Variants in CACNA1C observed in about 807,000 individuals in gnomAD.
CACNA1C encodes the protein voltage-dependent L-type calcium channel subunit alpha-1C.
In CACNA1C, 30 loss-of-function variants were observed where a neutral mutation model predicts 229.0. That is an observed-to-expected ratio of 0.13 (90% confidence interval 0.10 to 0.18). The LOEUF (loss-of-function observed/expected upper bound fraction) is 0.18. Ranked by LOEUF, CACNA1C falls within the 10% of genes least tolerant of loss-of-function variation. The pLI, the probability that CACNA1C is intolerant of heterozygous loss-of-function variation, is 1.00. For missense variants in CACNA1C, 1,658 were observed against 2,845.0 expected (o/e 0.58, Z 9.49); for synonymous variants, 1,114 against 1,132.5 (o/e 0.98, Z 0.33).
chr12:2,178,155 T>A (rs1287301579), intron 3 of CACNA1C, among the ~76,000 whole-genome samples: 1 of 152,246 alleles, frequency 6.6e-6, no homozygotes, highest in Non-Finnish European at 1.5e-5. Flanking sequence ...TCTTTGCCTC[T>A]TATTAAAAGG....
chr12:2,589,613 T>C (rs545401152), intron 18 of CACNA1C, among the ~76,000 whole-genome samples: 1 of 145,288 alleles, frequency 6.9e-6, no homozygotes, highest in Non-Finnish European at 1.6e-5. Flanking sequence ...AGGCTGGGTC[T>C]GATCCAGTGC....
chr12:2,256,730 G>A (rs2078035852), intron 3 of CACNA1C, among the ~76,000 whole-genome samples: 2 of 152,034 alleles, frequency 1.3e-5, no homozygotes, highest in Admixed American at 6.5e-5. Context: ...CCAGCCTAAT[G>A]ATCAGTTGTA....
chr12:2,335,355 G>C (rs376725029), intron 3 of CACNA1C, among the ~76,000 whole-genome samples: 1 of 152,076 alleles, frequency 6.6e-6, no homozygotes, highest in Non-Finnish European at 1.5e-5. Flanking sequence ...TGTGATTTAC[G>C]ATGTCAAGAG....
At chr12:2,686,394 C>G in intron 45 of CACNA1C, 125 bp downstream of exon 45, 1 of 817,562 alleles carries the variant, frequency 1.2e-6, no homozygotes, top group Non-Finnish European at 2.2e-6. Context: ...ACGTCCTGCC[C>G]CTGCCCTAAG....
chr12:1,975,344 G>A (rs2033993258), intron 1 of CACNA1C, among the ~76,000 whole-genome samples: 2 of 146,028 alleles, frequency 1.4e-5, no homozygotes, highest in South Asian at 2.1e-4. Context: ...TTTTCCTTCT[G>A]TGGGTTAAGC....
At chr12:2,228,557 A>G (rs1293623939) in intron 3 of CACNA1C, among the ~76,000 whole-genome samples, 1 of 152,212 alleles carries the variant, frequency 6.6e-6, no homozygotes, top group Admixed American at 6.5e-5. Flanking sequence ...TTGACAAGGT[A>G]TGTGCTAAAG....
At chr12:2,441,559 G>A (rs1358366807) in intron 3 of CACNA1C, among the ~76,000 whole-genome samples, 11 of 152,170 alleles carry the variant, frequency 7.2e-5, no homozygotes, top group Admixed American at 7.2e-4. Context: ...ATCTCACTGT[G>A]CCTTTGGCAG....
Position 2,493,732 on chromosome 12 carries a change from C to T in CACNA1C, c.1113+346C>T, listed in dbSNP as rs1366368112. Among the ~76,000 whole-genome samples, 1 of 152,194 alleles carries T rather than the reference C, an allele frequency of 6.6e-6. No homozygotes were observed. Among genetic ancestry groups the T allele is most frequent in the African/African-American group, 2.4e-5 (1 of 41,452 alleles). ...TCCCATGCAGAGTTCCTTCTGCCCT[C>T]ATCCTTTTCTTGCCTCTTTCCTCAA... On this transcript the variant is annotated intron_variant, in intron 7 of 46. Coordinates refer to ENST00000399655, the MANE Select transcript of CACNA1C (RefSeq NM_000719.7). This position sits in a 1 kb window ranked among gnomAD's most constrained non-coding sequence, Gnocchi z 4.6.
At chr12:2,197,081 G>A (rs1355705028) in intron 3 of CACNA1C, among the ~76,000 whole-genome samples, 4 of 152,196 alleles carry the variant, frequency 2.6e-5, no homozygotes, top group Non-Finnish European at 4.4e-5. Context: ...ACGAGGTACA[G>A]GCTGGCCCTG....
At chr12:2,441,687 A>T (rs139008907) in intron 3 of CACNA1C, among the ~76,000 whole-genome samples, 1 of 152,338 alleles carries the variant, frequency 6.6e-6, no homozygotes, top group East Asian at 1.9e-4. Flanking sequence ...CGAAAAAAAC[A>T]CTGATCCCTC....
chr12:2,336,930 G>A (rs945368512), intron 3 of CACNA1C, among the ~76,000 whole-genome samples: 3 of 152,182 alleles, frequency 2.0e-5, no homozygotes, highest in East Asian at 1.9e-4. Flanking sequence ...AGAAAAGGTG[G>A]CTTCCCCTGG....
intron 3 of CACNA1C, among the ~76,000 whole-genome samples, chr12:2,207,835 C>A (rs1316493477): frequency 1.3e-5 from 2 of 151,018 alleles, no homozygotes; most frequent in Non-Finnish European, 1.5e-5. Flanking sequence ...ACAAAACAAA[C>A]AAAAAAAACC....
At chr12:2,142,076 G>A (rs1370757860) in intron 3 of CACNA1C, among the ~76,000 whole-genome samples, 3 of 150,998 alleles carry the variant, frequency 2.0e-5, no homozygotes, top group African/African-American at 7.3e-5. Context: ...GTCTGGTGGG[G>A]GACAGCCACC....
intron 3 of CACNA1C, among the ~76,000 whole-genome samples, chr12:2,197,481 T>C (rs538149408): frequency 6.9e-4 from 105 of 152,356 alleles, no homozygotes; most frequent in African/African-American, 2.5e-3. Flanking sequence ...CTCAGTGATA[T>C]AATGTCACTT....
rs946657320 is a variant in CACNA1C at position 2,680,651 on chromosome 12, GTCCA to G, written c.5444+860_5444+863del. On this transcript the variant is annotated intron_variant, in intron 42 of 46. Transcript: ENST00000399655. ...CTTCCCTCTAAACCCCTGGAAAAGT[GTCCA>G]TCCAAGGAGCAGGCACACCTGCCGC... The G allele has an allele frequency of 1.8e-5, 23 of 1,309,870 alleles. No homozygotes were observed. In the Admixed American group the frequency reaches 4.4e-4, roughly 25 times the overall value. 81.1% of individuals were successfully genotyped at this position (1,309,870 alleles called of 1,614,324 possible). A position where few individuals can be genotyped will look rare whatever the true frequency, so the allele number is the denominator to read the frequency against.
At chr12:2,626,903 A>G (rs2086982794) in intron 29 of CACNA1C, among the ~76,000 whole-genome samples, 1 of 152,224 alleles carries the variant, frequency 6.6e-6, no homozygotes, top group Admixed American at 6.5e-5. Flanking sequence ...AGATAAATAA[A>G]TGAATGAGTA....
rs150903803 is a variant in CACNA1C at position 2,601,749 on chromosome 12, T to C, written c.2854-105T>C. ...CCTTCCTGTTCCCCATGGATGGTGC[T>C]TGGGACTTGCCCAAGGGATGCTGTG... is the stretch of plus-strand genomic sequence containing the variant. On this transcript the variant is annotated intron_variant, in intron 21 of 46. Transcript: ENST00000399655. The surrounding 1 kb of genome is among the most constrained non-coding windows in gnomAD (Gnocchi z 5.9). The C allele has an allele frequency of 1.3e-6, 1 of 772,906 alleles. No individual in the cohort carries two copies. The highest frequency in any genetic ancestry group is 1.7e-5 in the African/African-American group (1 of 59,166). The allele number at this position is 772,906 out of a possible 1,614,324, so 47.9% of individuals were successfully genotyped here.
chr12:2,676,891 G>A lies in CACNA1C; in HGVS notation c.4829-203G>A. On this transcript the variant is annotated intron_variant, in intron 39 of 46. Coordinates refer to ENST00000399655, the MANE Select transcript of CACNA1C (RefSeq NM_000719.7). ...ATCTACAGGAGGTGGTGACTAGGCA[G>A]ATAAGGGCTGTGGTGGGAGAGACTT... 27 of 479,734 alleles carry A rather than the reference G, an allele frequency of 5.6e-5. No individual in the cohort carries two copies. In the South Asian group the frequency reaches 7.1e-4, roughly 13 times the overall value. The allele number at this position is 479,734 out of a possible 1,614,324, so 29.7% of individuals were successfully genotyped here. A position where few individuals can be genotyped will look rare whatever the true frequency, so the allele number is the denominator to read the frequency against.
chr12:2,676,615 C>T (rs1285978431), intron 39 of CACNA1C: 1 of 154,384 alleles, frequency 6.5e-6, no homozygotes, highest in Non-Finnish European at 1.4e-5. Flanking sequence ...AGAAAGCCCT[C>T]CTTCCACCAG....
Sources: allele counts gnomAD v4.1 joint callset (sites outside exome capture counted in the v4.1 genomes callset), GRCh38; gene constraint gnomAD v4.1.1; non-coding constraint Gnocchi (gnomAD v3.1); transcripts MANE v1.5; gene names NCBI Gene and HGNC (gene_info 2026-07-23, HGNC 2026-07-21).